The following FILIP1 variants were observed in gnomAD, a reference collection of about 807,000 sequenced individuals.
FILIP1 encodes the protein filamin A interacting protein 1.
A neutral mutation model predicts 102.1 loss-of-function variants in FILIP1; 61 were observed. The observed-to-expected ratio is 0.60, with a 90% CI of 0.49 to 0.74. The LOEUF is 0.74. FILIP1 is among the 30% of genes least tolerant of loss of function. The pLI, the probability that FILIP1 is intolerant of heterozygous loss-of-function variation, is 0.00. For synonymous variants in FILIP1, 491 were observed against 526.9 expected (o/e 0.93, Z 0.93); for missense variants, 1,314 against 1,441.2 (o/e 0.91, Z 1.43).
chr6:75,349,160 T>G (rs1774697145), intron 4 of FILIP1, among the ~76,000 whole-genome samples: 1 of 152,198 alleles, frequency 6.6e-6, no homozygotes, highest in South Asian at 2.1e-4. Context: ...GAGCCTCAGA[T>G]TCAAACAACA....
At chr6:75,445,641 A>G (rs1778421918) in intron 1 of FILIP1, among the ~76,000 whole-genome samples, 1 of 151,726 alleles carries the variant, frequency 6.6e-6, no homozygotes, top group African/African-American at 2.4e-5. Flanking sequence ...TACTCCCAGC[A>G]CCTACTACAT....
At chr6:75,461,583 T>C (rs766283264) in intron 1 of FILIP1, among the ~76,000 whole-genome samples, 16 of 152,240 alleles carry the variant, frequency 1.1e-4, no homozygotes, top group Admixed American at 6.5e-4. Flanking sequence ...ATTTGTAACA[T>C]AGTTTCCCTC....
chr6:75,471,732 C>A (rs1158217898), intron 1 of FILIP1, among the ~76,000 whole-genome samples: 1 of 152,094 alleles, frequency 6.6e-6, no homozygotes, highest in African/African-American at 2.4e-5. Flanking sequence ...CTATGGAAGA[C>A]CATGCTGCAA....
At chr6:75,413,340 T>C (rs956671948) in intron 2 of FILIP1, among the ~76,000 whole-genome samples, 3 of 152,164 alleles carry the variant, frequency 2.0e-5, no homozygotes, top group Non-Finnish European at 4.4e-5. Context: ...CCAATGTTAA[T>C]AGACAAAAAC....
intron 4 of FILIP1, among the ~76,000 whole-genome samples, chr6:75,333,007 A>G (rs1774130592): frequency 6.6e-6 from 1 of 152,230 alleles, no homozygotes; most frequent in South Asian, 2.1e-4. Context: ...TAATTAAGAT[A>G]CTACTAATCT....
intron 1 of FILIP1, among the ~76,000 whole-genome samples, chr6:75,461,641 C>T (rs1383893675): frequency 6.6e-6 from 1 of 152,134 alleles, no homozygotes; most frequent in Admixed American, 6.5e-5. Flanking sequence ...AGAATCATCC[C>T]TGGATTTGAG....
At chr6:75,309,483 A>T (rs1049577037) in intron 5 of FILIP1, among the ~76,000 whole-genome samples, 1 of 152,196 alleles carries the variant, frequency 6.6e-6, no homozygotes, top group East Asian at 1.9e-4. Context: ...CCTGCCTTCT[A>T]AATGTGTCAC....
At chr6:75,443,642 A>G (rs1466606391) in intron 1 of FILIP1, among the ~76,000 whole-genome samples, 4 of 152,202 alleles carry the variant, frequency 2.6e-5, no homozygotes, top group Non-Finnish European at 5.9e-5. Context: ...GAAATTTCAC[A>G]TTCAGATTCT....
intron 2 of FILIP1, among the ~76,000 whole-genome samples, chr6:75,413,283 G>A (rs957786933): frequency 5.9e-5 from 9 of 152,114 alleles, no homozygotes; most frequent in Non-Finnish European, 8.8e-5. Context: ...AATAGCTTTC[G>A]GCTGGGGGCA....
At position 75,487,699 on chromosome 6, in the gene FILIP1, T is replaced by C. The variant is rs569477555; in HGVS notation, c.-7+5715A>G. 2.6e-5 allele frequency among the ~76,000 whole-genome samples: 4 copies of C among 152,248 alleles called. No individual in the cohort carries two copies. In the East Asian group the frequency reaches 5.8e-4, roughly 22 times the overall value. On this transcript the variant is annotated intron_variant, in intron 1 of 5. Transcript: ENST00000237172. ...CTTTTGGCCTGAAATCTTCAGCCAA[T>C]TATTTTTTAAAGAATGCATTTGGCC...
At chr6:75,431,595 T>C (rs1029786163) in intron 1 of FILIP1, among the ~76,000 whole-genome samples, 1 of 152,188 alleles carries the variant, frequency 6.6e-6, no homozygotes, top group Non-Finnish European at 1.5e-5. Flanking sequence ...TGTCATCTAA[T>C]GACACTTGTG....
At chr6:75,327,596 A>AC (rs1773913122) in intron 4 of FILIP1, among the ~76,000 whole-genome samples, 1 of 148,574 alleles carries the variant, frequency 6.7e-6, no homozygotes, top group African/African-American at 2.5e-5. Flanking sequence ...ATAAAATAAA[A>AC]AGGTCAATGC....
chr6:75,419,343 G>A lies in FILIP1; in HGVS notation c.-6-4365C>T, dbSNP rs149054959. 2.4e-4 allele frequency among the ~76,000 whole-genome samples: 37 copies of A among 152,098 alleles called. No individual in the cohort carries two copies. The East Asian group carries it at 6.6e-3, about 27-fold the overall frequency. ...AAAAACTTCTTTTCTGTATAAATTA[G>A]GCTTTGGCATCTTTGCTATGCTTCT... On this transcript the variant is annotated intron_variant, in intron 1 of 5. Coordinates refer to ENST00000237172, the MANE Select transcript of FILIP1 (RefSeq NM_015687.5).
chr6:75,297,497 C>T (rs372725757), intron 6 of FILIP1, among the ~76,000 whole-genome samples: 8 of 152,010 alleles, frequency 5.3e-5, no homozygotes, highest in East Asian at 1.9e-4. Flanking sequence ...GAATATTTAG[C>T]TATGAAGGTT....
chr6:75,349,477 CAAA>C (rs1323316720), intron 4 of FILIP1, among the ~76,000 whole-genome samples: 2 of 152,066 alleles, frequency 1.3e-5, no homozygotes, highest in Non-Finnish European at 2.9e-5. Flanking sequence ...AGGCTTATCT[CAAA>C]CTTCACTTTC....
chr6:75,363,600 C>T (rs763417280), intron 2 of FILIP1, among the ~76,000 whole-genome samples: 18 of 152,144 alleles, frequency 1.2e-4, no homozygotes, highest in Non-Finnish European at 2.4e-4. Flanking sequence ...CTTAGCACAA[C>T]GTATTGCTGA....
chr6:75,443,428 T>C (rs1778340992), intron 1 of FILIP1, among the ~76,000 whole-genome samples: 1 of 152,196 alleles, frequency 6.6e-6, no homozygotes, highest in Admixed American at 6.5e-5. Flanking sequence ...AACTTAAGTA[T>C]TTTGGTAATC....
At position 75,414,799 on chromosome 6, in the gene FILIP1, G is replaced by T; in HGVS notation, c.174C>A (p.His58Gln). 9 of 1,613,796 alleles carry T rather than the reference G, an allele frequency of 5.6e-6. No homozygotes were observed. The highest frequency in any genetic ancestry group is 7.6e-6 in the Non-Finnish European group (9 of 1,179,830). ...GTTCACATTCTCCAGATGTTTTTAG[G>T]TGTCGTTTGACAGTTCCTGAGGCCA... The part of the protein sequence containing the change: ...DVMASGTVKR[H>Q]LKTSGECERK... Residue 58 changes from histidine (H) to glutamine (Q), a missense_variant, in exon 2 of 6, where the codon CAC (histidine) becomes CAA (glutamine). Coordinates refer to ENST00000237172, the MANE Select transcript of FILIP1 (RefSeq NM_015687.5).
chr6:75,430,336 G>A (rs1343827760), intron 1 of FILIP1, among the ~76,000 whole-genome samples: 2 of 152,050 alleles, frequency 1.3e-5, no homozygotes, highest in African/African-American at 4.8e-5. Context: ...GACTAATACA[G>A]TGGTTTTCAA....
Sources: allele counts gnomAD v4.1 joint callset (sites outside exome capture counted in the v4.1 genomes callset), GRCh38; gene constraint gnomAD v4.1.1; transcripts MANE v1.5; gene names NCBI Gene and HGNC (gene_info 2026-07-23, HGNC 2026-07-21).